TMCO1: variants seen among roughly 807,000 people sequenced by gnomAD.
TMCO1 encodes calcium load-activated calcium channel.
Under a neutral mutation model 29.3 loss-of-function variants are expected in TMCO1, and 29 were observed. The observed-to-expected ratio is 0.99, with a 90% CI of 0.74 to 1.35. The LOEUF is 1.35. TMCO1 is among the 40% of genes most tolerant of loss of function. The pLI, the probability that TMCO1 is intolerant of heterozygous loss-of-function variation, is 0.00. For synonymous variants in TMCO1, 80 were observed against 77.1 expected (o/e 1.04, Z -0.20); for missense variants, 173 against 225.5 (o/e 0.77, Z 1.49).
At chr1:165,729,016 G>T (rs1028701166) in intron 6 of TMCO1, among the ~76,000 whole-genome samples, 2 of 148,440 alleles carry the variant, frequency 1.3e-5, no homozygotes, top group African/African-American at 5.0e-5. Flanking sequence ...TGAGGCATGA[G>T]AGTCCCTTGA....
chr1:165,727,433 T>C lies in TMCO1; in HGVS notation c.*590A>G, dbSNP rs1317007325. On this transcript the variant is annotated 3_prime_UTR_variant, in exon 7 of 7. Transcript: ENST00000367881. ...GTATTTTGAGTATATGAGTCAAGTA[T>C]GGCAAAAAGTACAGTACCTTAAAAA... is the stretch of plus-strand genomic sequence containing the variant. 2 of 453,856 alleles carry C rather than the reference T, an allele frequency of 4.4e-6. No individual in the cohort carries two copies. The highest frequency in any genetic ancestry group is 8.8e-6 in the Non-Finnish European group (2 of 226,764). The allele number at this position is 453,856 out of a possible 1,614,324, so 28.1% of individuals were successfully genotyped here. A position where few individuals can be genotyped will look rare whatever the true frequency, so the allele number is the denominator to read the frequency against.
intron 2 of TMCO1, among the ~76,000 whole-genome samples, chr1:165,760,501 G>A (rs1652362071): frequency 6.6e-6 from 1 of 151,312 alleles, no homozygotes; most frequent in African/African-American, 2.4e-5. Flanking sequence ...ATAACAATAA[G>A]CTTTTGAAAA....
intron 2 of TMCO1, among the ~76,000 whole-genome samples, chr1:165,764,859 T>G (rs1447560481): frequency 6.6e-6 from 1 of 152,178 alleles, no homozygotes. Context: ...TGGCTGCAGA[T>G]GGACCAGAGA....
chr1:165,754,131 A>C (rs1312569547), intron 4 of TMCO1, 97 bp downstream of exon 4: 8 of 1,023,532 alleles, frequency 7.8e-6, no homozygotes, highest in Non-Finnish European at 1.1e-5. Flanking sequence ...ACAGGTGATA[A>C]ATTTCTGAAA....
chr1:165,749,957 C>A (rs1347338368), intron 5 of TMCO1, among the ~76,000 whole-genome samples: 1 of 151,624 alleles, frequency 6.6e-6, no homozygotes, highest in Non-Finnish European at 1.5e-5. Context: ...CACAAATTAT[C>A]AAAAAAATGA....
At chr1:165,732,497 C>T (rs890743504) in intron 6 of TMCO1, among the ~76,000 whole-genome samples, 1 of 143,014 alleles carries the variant, frequency 7.0e-6, no homozygotes, top group South Asian at 2.2e-4. Context: ...CTCTCTCTCT[C>T]TCTCTCTCTA....
intron 2 of TMCO1, among the ~76,000 whole-genome samples, chr1:165,762,597 GA>G (rs1401715225): frequency 6.6e-6 from 1 of 152,076 alleles, no homozygotes; most frequent in African/African-American, 2.4e-5. Context: ...TTGGTGTGTG[GA>G]TATTTATTCA....
chr1:165,738,682 T>C (rs1651478523), intron 6 of TMCO1, among the ~76,000 whole-genome samples: 1 of 152,334 alleles, frequency 6.6e-6, no homozygotes, highest in East Asian at 1.9e-4. Context: ...AGAGAAACAA[T>C]TTATAATTAA....
intron 6 of TMCO1, among the ~76,000 whole-genome samples, chr1:165,729,221 CT>C (rs1423092586): frequency 6.6e-6 from 1 of 151,358 alleles, no homozygotes; most frequent in African/African-American, 2.4e-5. Context: ...ACCCTGTCAT[CT>C]TTTTCCATTG....
intron 5 of TMCO1, among the ~76,000 whole-genome samples, chr1:165,743,781 T>C (rs879279767): frequency 2.0e-5 from 3 of 152,032 alleles, no homozygotes; most frequent in Non-Finnish European, 4.4e-5. Flanking sequence ...TATATCTTTA[T>C]ATATAAGTTA....
intron 2 of TMCO1, among the ~76,000 whole-genome samples, chr1:165,760,099 T>C (rs1361253825): frequency 6.6e-6 from 1 of 152,162 alleles, no homozygotes; most frequent in Non-Finnish European, 1.5e-5. Flanking sequence ...AAGATAGTTA[T>C]ACGCACACTG....
chr1:165,765,718 G>A (rs534805166), intron 2 of TMCO1, among the ~76,000 whole-genome samples: 3 of 152,322 alleles, frequency 2.0e-5, no homozygotes, highest in African/African-American at 7.2e-5. Context: ...CCACTAGAAA[G>A]GTCCCAGCAC....
chr1:165,767,667 C>A (rs1481903003), intron 2 of TMCO1, among the ~76,000 whole-genome samples: 5 of 152,188 alleles, frequency 3.3e-5, no homozygotes, highest in African/African-American at 1.2e-4. Flanking sequence ...TGGTTCCTCA[C>A]AACTGAATGA....
At chr1:165,741,887 G>A (rs1052897845) in intron 6 of TMCO1, among the ~76,000 whole-genome samples, 1 of 152,250 alleles carries the variant, frequency 6.6e-6, no homozygotes, top group East Asian at 1.9e-4. Context: ...TCTGCATTCC[G>A]CCATGATTCT....
At chr1:165,755,027 G>A (rs551732009) in intron 3 of TMCO1, 9 of 152,040 alleles carry the variant, frequency 5.9e-5, no homozygotes, top group African/African-American at 1.4e-4. Flanking sequence ...AAAAAACTAC[G>A]CATTCTCTAA....
downstream of TMCO1, chr1:165,725,698 AG>A (rs752285641): frequency 8.6e-5 from 39 of 454,016 alleles, no homozygotes; most frequent in Admixed American, 1.6e-4. Flanking sequence ...CCAAATAACT[AG>A]TCTTGAAATT....
intron 5 of TMCO1, among the ~76,000 whole-genome samples, chr1:165,744,059 G>A (rs1030239848): frequency 4.0e-5 from 6 of 151,840 alleles, no homozygotes; most frequent in Admixed American, 1.3e-4. Flanking sequence ...AGGGTTTCAC[G>A]ATGTTGGCCT....
At chr1:165,731,942 T>C (rs1228759600) in intron 6 of TMCO1, among the ~76,000 whole-genome samples, 5 of 152,232 alleles carry the variant, frequency 3.3e-5, no homozygotes, top group Admixed American at 1.3e-4. Context: ...ACATTCTGCA[T>C]TTACTGCATG....
intron 6 of TMCO1, among the ~76,000 whole-genome samples, chr1:165,731,090 G>A (rs779676419): frequency 2.6e-5 from 4 of 151,966 alleles, no homozygotes; most frequent in Admixed American, 2.6e-4. Context: ...TAGTAGAGAC[G>A]GGGTATCACC....
Sources: allele counts gnomAD v4.1 joint callset (sites outside exome capture counted in the v4.1 genomes callset), GRCh38; gene constraint gnomAD v4.1.1; transcripts MANE v1.5; gene names NCBI Gene and HGNC (gene_info 2026-07-23, HGNC 2026-07-21).